The following AFF1 variants were observed in gnomAD, a reference collection of about 807,000 sequenced individuals.
The protein encoded by AFF1 is AF4/FMR2 family member 1.
In AFF1, 48 loss-of-function variants were observed where a neutral mutation model predicts 121.7. That is an observed-to-expected ratio of 0.39 (90% CI 0.31 to 0.50). The LOEUF is 0.50. Among genes scored for constraint, AFF1 ranks in the 20% least tolerant of loss-of-function variants. The pLI is 0.76. For missense variants in AFF1, 1,523 were observed against 1,511.7 expected, an observed-to-expected ratio of 1.01 and a Z score of -0.12; for synonymous variants, 613 against 563.0, an observed-to-expected ratio of 1.09 and a Z score of -1.26.
intron 2 of AFF1, among the ~76,000 whole-genome samples, chr4:87,003,434 A>G (rs1389064770): frequency 6.6e-6 from 1 of 152,066 alleles, no homozygotes; most frequent in Non-Finnish European, 1.5e-5. Flanking sequence ...ATTGTTTTTT[A>G]ATAGAGACAA....
intron 2 of AFF1, among the ~76,000 whole-genome samples, chr4:86,968,312 T>C (rs1309774144): frequency 6.6e-6 from 1 of 152,188 alleles, no homozygotes; most frequent in African/African-American, 2.4e-5. Flanking sequence ...AGAAATTCAA[T>C]CAATTAATAC....
At chr4:86,985,207 ATAT>A (rs1724136990) in intron 2 of AFF1, among the ~76,000 whole-genome samples, 4 of 135,710 alleles carry the variant, frequency 2.9e-5, no homozygotes, top group African/African-American at 1.1e-4. Context: ...ATATATATAT[ATAT>A]ATATAAAATT....
chr4:87,032,673 T>C (rs949481473), intron 2 of AFF1, among the ~76,000 whole-genome samples: 6 of 152,220 alleles, frequency 3.9e-5, no homozygotes, highest in African/African-American at 1.4e-4. Flanking sequence ...TAATTGACAG[T>C]GGTTTCTCCT....
At chr4:87,134,442 T>G (rs775162088) in intron 19 of AFF1, 29 bp from the exon 20 acceptor site, 8 of 1,545,938 alleles carry the variant, frequency 5.2e-6, no homozygotes, top group Non-Finnish European at 7.0e-6. Flanking sequence ...GACTGACTGA[T>G]CAGTTATCTC....
At chr4:87,124,088 G>C (rs1228497424) in intron 12 of AFF1, among the ~76,000 whole-genome samples, 5 of 152,202 alleles carry the variant, frequency 3.3e-5, no homozygotes, top group Admixed American at 6.5e-5. Flanking sequence ...TTAGAAAGCT[G>C]GTGTATGTGC....
intron 2 of AFF1, among the ~76,000 whole-genome samples, chr4:87,037,791 C>T (rs13136338): frequency 0.13 from 20,436 of 151,994 alleles, 1,859 homozygotes; most frequent in Middle Eastern, 0.23. Context: ...TTAAAACTTG[C>T]AGGATGCATT....
Position 87,007,826 on chromosome 4 carries a change from G to A in AFF1, c.39-38340G>A, listed in dbSNP as rs559248532. On this transcript the variant is annotated intron_variant, in intron 2 of 20. Coordinates refer to ENST00000395146, the MANE Select transcript of AFF1 (RefSeq NM_001166693.3). ...GGGGAAGTTTAGAAATACGATTAAT[G>A]TAAAACATAGTTCACCTTGGAGAGG... 1.4e-4 allele frequency among the ~76,000 whole-genome samples: 21 copies of A among 152,274 alleles called. No individual in the cohort carries two copies. The East Asian group carries it at 2.1e-3, about 15-fold the overall frequency.
At chr4:87,000,328 A>G (rs1725590579) in intron 2 of AFF1, among the ~76,000 whole-genome samples, 1 of 152,238 alleles carries the variant, frequency 6.6e-6, no homozygotes, top group African/African-American at 2.4e-5. Flanking sequence ...ACTGTCACGA[A>G]AAACAAGGAA....
chr4:87,123,519 A>G (rs1727923519), intron 12 of AFF1, among the ~76,000 whole-genome samples: 1 of 152,154 alleles, frequency 6.6e-6, no homozygotes, highest in Non-Finnish European at 1.5e-5. Flanking sequence ...ATGCCGCAAG[A>G]TTAAAAACAG....
intron 4 of AFF1, among the ~76,000 whole-genome samples, chr4:87,077,873 C>A (rs1399708824): frequency 3.3e-5 from 5 of 152,180 alleles, no homozygotes; most frequent in Non-Finnish European, 2.9e-5. Context: ...CCATAGTTTT[C>A]ATAGTCAGTT....
At chr4:86,951,623 CTTTTTT>C (rs1285365564) in intron 2 of AFF1, among the ~76,000 whole-genome samples, 4 of 69,418 alleles carry the variant, frequency 5.8e-5, no homozygotes, top group African/African-American at 1.8e-4. Context: ...TTCTTTTTTT[CTTTTTT>C]TTTTTTTTTT....
chr4:87,052,430 C>A (rs770140256), intron 4 of AFF1, among the ~76,000 whole-genome samples: 44 of 152,024 alleles, frequency 2.9e-4, no homozygotes, highest in Admixed American at 1.5e-3. Flanking sequence ...CTCCTCCCCC[C>A]ACACCACCAC....
chr4:87,134,760 T>C (rs1373391908), intron 20 of AFF1, 66 bp downstream of exon 20: 1 of 1,337,448 alleles, frequency 7.5e-7, no homozygotes, highest in East Asian at 2.3e-5. Flanking sequence ...AACATTGGTT[T>C]ATATTTTATA....
In AFF1 at chr4:87,134,514, G is replaced by A. The variant is rs1380670208; in HGVS notation, c.3355G>A (p.Ala1119Thr). 3.7e-6 allele frequency: 6 copies of A among 1,612,312 alleles called. No individual in the cohort carries two copies. Among genetic ancestry groups the A allele is most frequent in the Non-Finnish European group, 5.1e-6 (6 of 1,179,282 alleles). ...PSPLSPMPSP[A>T]SSVGSQSSAG... ...CCCTCTTTCCCCAATGCCTTCTCCT[G>A]CCAGCTCCGTAGGGTCCCAGTCAAG... The change falls in exon 20 of 21, where the codon GCC becomes ACC. Residue 1119 changes from alanine to threonine, a missense_variant. Coordinates refer to ENST00000395146, the MANE Select transcript of AFF1 (RefSeq NM_001166693.3).
At chr4:86,969,100 C>T (rs1722738690) in intron 2 of AFF1, among the ~76,000 whole-genome samples, 2 of 152,206 alleles carry the variant, frequency 1.3e-5, no homozygotes, top group Admixed American at 1.3e-4. Context: ...TCTGCATCAG[C>T]TTCTGCTCAG....
At chr4:87,050,891 C>T (rs1011351690) in intron 4 of AFF1, among the ~76,000 whole-genome samples, 1 of 152,158 alleles carries the variant, frequency 6.6e-6, no homozygotes, top group African/African-American at 2.4e-5. Context: ...CTAGAGATAA[C>T]AAGTGAAAGA....
chr4:86,963,849 C>T (rs1418260374), intron 2 of AFF1, among the ~76,000 whole-genome samples: 3 of 150,862 alleles, frequency 2.0e-5, no homozygotes, highest in Non-Finnish European at 2.9e-5. Context: ...GGCTGGAGTG[C>T]AGCATTGCAC....
In AFF1 at chr4:87,019,968, TCTC is replaced by T. The variant is rs552695394; in HGVS notation, c.39-26190_39-26188del. On this transcript the variant is annotated intron_variant, in intron 2 of 20. Coordinates refer to ENST00000395146, the MANE Select transcript of AFF1 (RefSeq NM_001166693.3). ...GGTAGTTGTGTAGATAGTAGGAAAA[TCTC>T]CTCCTCCCACGTTTGATCACAGAAG... 2.3e-3 allele frequency among the ~76,000 whole-genome samples: 341 copies of T among 151,014 alleles called. 1 individual carries two copies. Among genetic ancestry groups the T allele is most frequent in the African/African-American group, 8.0e-3 (327 of 41,066 alleles).
chr4:86,957,541 A>T (rs1578846091), intron 2 of AFF1, among the ~76,000 whole-genome samples: 2 of 151,412 alleles, frequency 1.3e-5, no homozygotes, highest in East Asian at 1.9e-4. Context: ...TTGGTTGGAA[A>T]TTTTTTTTTC....
Sources: allele counts gnomAD v4.1 joint callset (sites outside exome capture counted in the v4.1 genomes callset), GRCh38; gene constraint gnomAD v4.1.1; transcripts MANE v1.5; gene names NCBI Gene and HGNC (gene_info 2026-07-23, HGNC 2026-07-21).